RUFY2: variants seen among roughly 807,000 people sequenced by gnomAD.
RUFY2 encodes RUN and FYVE domain containing 2, also known as RUN and FYVE domain-containing protein 2.
A neutral mutation model predicts 94.4 loss-of-function variants in RUFY2; 49 were observed. The observed-to-expected ratio is 0.52, with a 90% confidence interval of 0.41 to 0.66. The LOEUF (loss-of-function observed/expected upper bound fraction) is 0.66, where lower values mean the gene tolerates loss of function less well. RUFY2 is among the 30% of genes least tolerant of loss of function. The pLI, the probability that RUFY2 is intolerant of heterozygous loss-of-function variation, is 0.00. For missense variants in RUFY2, 541 were observed against 692.8 expected (o/e 0.78, Z 2.46); for synonymous variants, 255 against 235.7 (o/e 1.08, Z -0.75).
intron 13 of RUFY2, among the ~76,000 whole-genome samples, chr10:68,373,669 G>A (rs2048422721): frequency 6.6e-6 from 1 of 152,180 alleles, no homozygotes; most frequent in African/African-American, 2.4e-5. Context: ...CTACTCAGGA[G>A]GCTGAGGCAG....
chr10:68,397,559 G>C (rs1192472996), intron 3 of RUFY2, among the ~76,000 whole-genome samples: 3 of 151,190 alleles, frequency 2.0e-5, no homozygotes, highest in Non-Finnish European at 4.4e-5. Flanking sequence ...GGGAGACCCT[G>C]TCTCTATATA....
chr10:68,365,472 G>A (rs542427648), intron 13 of RUFY2, among the ~76,000 whole-genome samples: 1 of 150,360 alleles, frequency 6.7e-6, no homozygotes, highest in Admixed American at 6.6e-5. Flanking sequence ...GTGTTTGGGT[G>A]CATCCTGTGA....
At chr10:68,378,019 A>G in intron 12 of RUFY2, 1 of 985,418 alleles carries the variant, frequency 1.0e-6, no homozygotes, top group African/African-American at 1.7e-5. Flanking sequence ...CTAAGGTTAC[A>G]AAAAGGAAAA....
At chr10:68,395,090 C>T (rs2050291265) in intron 4 of RUFY2, among the ~76,000 whole-genome samples, 1 of 151,930 alleles carries the variant, frequency 6.6e-6, no homozygotes, top group Non-Finnish European at 1.5e-5. Context: ...GTAATCCCAG[C>T]ACTTTGGGAG....
At chr10:68,370,034 A>T (rs1429317107) in intron 13 of RUFY2, among the ~76,000 whole-genome samples, 3 of 152,198 alleles carry the variant, frequency 2.0e-5, no homozygotes, top group Non-Finnish European at 4.4e-5. Flanking sequence ...CTATAATCCC[A>T]GCACTTCGGG....
At chr10:68,341,624 G>A (rs2045951029), downstream of RUFY2, 1 of 1,613,520 alleles carries the variant, frequency 6.2e-7, no homozygotes, top group African/African-American at 1.3e-5. Flanking sequence ...TCTACTCCTG[G>A]AGGCGGCTCT....
intron 16 of RUFY2, among the ~76,000 whole-genome samples, chr10:68,347,672 A>T (rs1365578711): frequency 6.6e-6 from 1 of 152,146 alleles, no homozygotes; most frequent in Non-Finnish European, 1.5e-5. Flanking sequence ...TTAGATGATT[A>T]TCAGTTTCAC....
At position 68,369,994 on chromosome 10, in the gene RUFY2, C is replaced by T. The variant is rs372810984; in HGVS notation, c.1326-5881G>A. ...TTCAGTTATATTAATAGAAAGTAAACTAATCTAGGCCGGGCACGGGGGCTC... is the reference window on the plus strand; with the variant it reads ...TTCAGTTATATTAATAGAAAGTAAATTAATCTAGGCCGGGCACGGGGGCTC... On this transcript the variant is annotated intron_variant, in intron 13 of 17. Coordinates refer to ENST00000602465, the MANE Select transcript of RUFY2 (RefSeq NM_001330103.2). Among the ~76,000 whole-genome samples, 11 of 150,988 alleles carry T rather than the reference C, an allele frequency of 7.3e-5. No individual in the cohort carries two copies. The East Asian group carries it at 1.8e-3, about 25-fold the overall frequency.
chr10:68,401,554 G>C lies in RUFY2; in HGVS notation c.296+66C>G, dbSNP rs536987893. The stretch of plus-strand genomic sequence containing the variant: ...GAGAAGACAATAAGCTAGAGTGTGA[G>C]GTACTTTGGAGGAACAATGAATACA... On this transcript the variant is annotated intron_variant, in intron 3 of 17. Coordinates refer to ENST00000602465, the MANE Select transcript of RUFY2 (RefSeq NM_001330103.2). 1.4e-5 allele frequency: 13 copies of C among 925,036 alleles called. No homozygotes were observed. The East Asian group carries it at 2.9e-4, about 21-fold the overall frequency. 57.3% of individuals were successfully genotyped at this position (925,036 alleles called of 1,614,324 possible).
At chr10:68,366,349 AAG>A (rs1244186908) in intron 13 of RUFY2, among the ~76,000 whole-genome samples, 2 of 151,116 alleles carry the variant, frequency 1.3e-5, no homozygotes, top group East Asian at 3.9e-4. Flanking sequence ...AAAAAAAAAA[AAG>A]AGAGAGAAAG....
intron 8 of RUFY2, among the ~76,000 whole-genome samples, chr10:68,385,289 G>A (rs2049410958): frequency 6.6e-6 from 1 of 151,526 alleles, no homozygotes; most frequent in Non-Finnish European, 1.5e-5. Context: ...TTAGGCTAAT[G>A]AGAATGTTAA....
rs1183415103 is a variant in RUFY2, at chr10:68,384,257, T to C, written c.721-105A>G. 2.2e-6 allele frequency: 3 copies of C among 1,362,216 alleles called. No individual in the cohort carries two copies. The East Asian group carries it at 7.8e-5, about 36-fold the overall frequency. The allele number at this position is 1,362,216 out of a possible 1,614,324, so 84.4% of individuals were successfully genotyped here. The stretch of plus-strand genomic sequence containing the variant: ...ACATCAGAAAATAAAATCTCACAAC[T>C]AGCAAAAGGTCTGTCACATTCACAG... On this transcript the variant is annotated intron_variant, in intron 8 of 17. Transcript: ENST00000602465.
chr10:68,407,103 C>A, intron 1 of RUFY2, 83 bp downstream of exon 1: 2 of 1,516,448 alleles, frequency 1.3e-6, no homozygotes, highest in Non-Finnish European at 1.8e-6. Context: ...GCGTCTCCCC[C>A]AGCTCCCAGT....
chr10:68,365,498 T>C (rs1291893440), intron 13 of RUFY2, among the ~76,000 whole-genome samples: 2 of 152,168 alleles, frequency 1.3e-5, no homozygotes, highest in African/African-American at 2.4e-5. Flanking sequence ...TGGTGTCCTG[T>C]GGAAGACTGG....
rs12573249 is a variant in RUFY2 at position 68,387,891 on chromosome 10, T to A, written c.651-1763A>T. ...GGTGGCACACGCCTGTAATCCCAGCTACTCAGGAGGCTGAGGCAGGAGAAT... is the reference window on the plus strand; with the variant it reads ...GGTGGCACACGCCTGTAATCCCAGCAACTCAGGAGGCTGAGGCAGGAGAAT... On this transcript the variant is annotated intron_variant, in intron 7 of 17. Coordinates refer to ENST00000602465, the MANE Select transcript of RUFY2 (RefSeq NM_001330103.2). Among the ~76,000 whole-genome samples, 284 of 152,088 alleles carry A rather than the reference T, an allele frequency of 1.9e-3. 6 individuals carry two copies. The East Asian group carries it at 0.051, about 27-fold the overall frequency.
At chr10:68,359,328 A>C (rs2047268597) in intron 15 of RUFY2, among the ~76,000 whole-genome samples, 1 of 151,108 alleles carries the variant, frequency 6.6e-6, no homozygotes, top group Non-Finnish European at 1.5e-5. Flanking sequence ...ATACATATAT[A>C]AAATAAGCCT....
At position 68,343,972 on chromosome 10, in the gene RUFY2, C is replaced by T. The variant is rs573720289; in HGVS notation, c.*1796G>A. On this transcript the variant is annotated 3_prime_UTR_variant, in exon 18 of 18. Coordinates refer to ENST00000602465, the MANE Select transcript of RUFY2 (RefSeq NM_001330103.2). Reference sequence around the variant, plus strand: ...CACATTTTAAAATTTGTTCTAAGCACAGTAATAAAAAAGCATATTTGAAAA... The same window carrying T: ...CACATTTTAAAATTTGTTCTAAGCATAGTAATAAAAAAGCATATTTGAAAA... 7.9e-5 allele frequency: 12 copies of T among 151,964 alleles called. No homozygotes were observed. Among genetic ancestry groups the T allele is most frequent in the Non-Finnish European group, 1.6e-4 (11 of 67,976 alleles). 9.4% of individuals were successfully genotyped at this position (151,964 alleles called of 1,614,324 possible). A position where few individuals can be genotyped will look rare whatever the true frequency, so the allele number is the denominator to read the frequency against.
chr10:68,371,481 AC>A (rs371672432), intron 13 of RUFY2, among the ~76,000 whole-genome samples: 59 of 151,910 alleles, frequency 3.9e-4, no homozygotes, highest in African/African-American at 1.4e-3. Flanking sequence ...AGTTCTAGCT[AC>A]CCAGGAGACT....
intron 7 of RUFY2, among the ~76,000 whole-genome samples, chr10:68,388,847 AAAAAAAAG>A (rs540256032): frequency 0.088 from 13,279 of 150,108 alleles, 843 homozygotes; most frequent in South Asian, 0.24. Context: ...CAAAAAAAAA[AAAAAAAAG>A]AAAAGAAAAG....
Sources: gnomAD v4.1 joint callset for allele counts (sites outside exome capture counted in the v4.1 genomes callset) on GRCh38, gnomAD v4.1.1 for gene constraint, MANE v1.5 for transcripts, NCBI Gene and HGNC (gene_info 2026-07-23, HGNC 2026-07-21) for gene names.